The following IQSEC1 variants were observed in gnomAD, a reference collection of about 807,000 sequenced individuals.
IQSEC1 encodes IQ motif and SEC7 domain-containing protein 1.
In IQSEC1, 31 loss-of-function variants were observed where a neutral mutation model predicts 91.0. The observed-to-expected ratio is 0.34, with a 90% CI of 0.26 to 0.46. IQSEC1 has a LOEUF of 0.46. Among genes scored for constraint, IQSEC1 ranks in the 20% least tolerant of loss-of-function variants. The pLI is 1.00. For missense variants in IQSEC1, 1,388 were observed against 1,575.6 expected (o/e 0.88, Z 2.02); for synonymous variants, 699 against 662.6 (o/e 1.05, Z -0.84).
chr3:12,907,428 G>A (rs749047861), intron 12 of IQSEC1, among the ~76,000 whole-genome samples: 2 of 152,172 alleles, frequency 1.3e-5, no homozygotes, highest in Non-Finnish European at 2.9e-5. Flanking sequence ...GCAGACCTGC[G>A]TGGGACAAGC....
intron 1 of IQSEC1, among the ~76,000 whole-genome samples, chr3:13,181,834 A>G (rs975615034): frequency 5.3e-5 from 8 of 152,230 alleles, no homozygotes. Flanking sequence ...GAATATTTTA[A>G]AATTATTTTT....
At chr3:13,203,966 C>G (rs1576293882) in intron 1 of IQSEC1, among the ~76,000 whole-genome samples, 1 of 152,246 alleles carries the variant, frequency 6.6e-6, no homozygotes, top group Admixed American at 6.5e-5. Flanking sequence ...GCCCTAGGCC[C>G]CTGGCCTGTC....
intron 2 of IQSEC1, among the ~76,000 whole-genome samples, chr3:13,094,075 C>T (rs662634): frequency 0.17 from 25,963 of 152,064 alleles, 2,288 homozygotes; most frequent in Middle Eastern, 0.25. Flanking sequence ...AAGAGCAAAC[C>T]TTCCCAAGAA....
At chr3:12,937,467 T>G (rs2005474) in intron 2 of IQSEC1, among the ~76,000 whole-genome samples, 18,978 of 152,282 alleles carry the variant, frequency 0.12, 1,290 homozygotes, top group South Asian at 0.21. Context: ...TGTGGCCAGA[T>G]GGGTCACTGA....
intron 1 of IQSEC1, among the ~76,000 whole-genome samples, chr3:12,995,876 G>A (rs1214883797): frequency 6.6e-6 from 1 of 152,140 alleles, no homozygotes; most frequent in Non-Finnish European, 1.5e-5. Flanking sequence ...TATTATTGGA[G>A]GTTTAAAAAA....
At chr3:13,244,617 G>A (rs1256740293) in intron 1 of IQSEC1, among the ~76,000 whole-genome samples, 1 of 152,172 alleles carries the variant, frequency 6.6e-6, no homozygotes, top group Non-Finnish European at 1.5e-5. Context: ...TCTGACTGCA[G>A]TTGTGACCAA....
intron 5 of IQSEC1, 137 bp downstream of exon 5, chr3:12,921,983 C>A (rs943683468): frequency 1.3e-5 from 14 of 1,095,994 alleles, no homozygotes; most frequent in Admixed American, 3.0e-5. Context: ...AGTACGATCA[C>A]CCCCAAAGCA....
At chr3:13,057,327 C>A (rs1035037364) in intron 1 of IQSEC1, among the ~76,000 whole-genome samples, 6 of 152,200 alleles carry the variant, frequency 3.9e-5, no homozygotes, top group Non-Finnish European at 8.8e-5. Context: ...ACAGCGTATA[C>A]CTGCTGGGTG....
intron 1 of IQSEC1, among the ~76,000 whole-genome samples, chr3:13,253,840 T>A (rs1301260480): frequency 6.6e-6 from 1 of 152,118 alleles, no homozygotes; most frequent in Non-Finnish European, 1.5e-5. Context: ...AGTGCCTCGG[T>A]GGTTATGTCA....
chr3:12,973,210 T>A (rs1185562380), intron 1 of IQSEC1, among the ~76,000 whole-genome samples: 1 of 152,174 alleles, frequency 6.6e-6, no homozygotes, highest in Non-Finnish European at 1.5e-5. Context: ...AGCTCCTGCC[T>A]GTCTTTTCAG....
intron 2 of IQSEC1, among the ~76,000 whole-genome samples, chr3:13,141,470 A>C (rs1402491063): frequency 6.6e-6 from 1 of 152,180 alleles, no homozygotes. Flanking sequence ...GGGTTCTCCT[A>C]ATAAACCTCC....
chr3:13,158,550 A>G (rs1350342999), intron 2 of IQSEC1, among the ~76,000 whole-genome samples: 2 of 152,168 alleles, frequency 1.3e-5, no homozygotes, highest in African/African-American at 4.8e-5. Context: ...CACCATCCCC[A>G]AACAAAACAG....
Position 12,942,312 on chromosome 3 carries a change from T to TA in IQSEC1, c.24-448dup, listed in dbSNP as rs768754016. On this transcript the variant is annotated intron_variant, in intron 1 of 13. Transcript: ENST00000613206. ...TTAAATACACCACTGATTTTAAACT[T>TA]AAAAAAAAGGCCGGGCGCGGTGGCT... 1.2e-3 allele frequency among the ~76,000 whole-genome samples: 177 copies of TA among 151,738 alleles called. 5 individuals are homozygous for TA. The highest frequency in any genetic ancestry group is 7.8e-4 in the Non-Finnish European group (53 of 67,920).
chr3:12,984,351 T>C (rs1464529855), intron 1 of IQSEC1, among the ~76,000 whole-genome samples: 1 of 152,110 alleles, frequency 6.6e-6, no homozygotes, highest in African/African-American at 2.4e-5. Flanking sequence ...CCTGAGTAAA[T>C]TTGTAAAAGG....
At chr3:12,990,838 T>C (rs1701954082) in intron 1 of IQSEC1, among the ~76,000 whole-genome samples, 1 of 152,194 alleles carries the variant, frequency 6.6e-6, no homozygotes, top group African/African-American at 2.4e-5. Flanking sequence ...AATGATAGGT[T>C]TGTGGTTTTG....
Position 13,259,445 on chromosome 3 carries a change from C to G in IQSEC1, c.272+23266G>C, listed in dbSNP as rs777002928. Among the ~76,000 whole-genome samples the G allele has an allele frequency of 6.6e-6, 1 of 152,162 alleles. No homozygotes were observed. On this transcript the variant is annotated intron_variant, in intron 1 of 15. Coordinates refer to the IQSEC1 transcript ENST00000648114. The surrounding 1 kb of genome is among the most constrained non-coding windows in gnomAD (Gnocchi z 4.6). The stretch of plus-strand genomic sequence containing the variant: ...TATTCTCCCCTGCACCCCATCAAAA[C>G]AGTGGCGGGTGAGATAGCACTGTCA...
intron 2 of IQSEC1, among the ~76,000 whole-genome samples, chr3:13,097,926 G>T (rs1705992492): frequency 6.6e-6 from 1 of 152,238 alleles, no homozygotes; most frequent in Non-Finnish European, 1.5e-5. Flanking sequence ...TCCCACAGGG[G>T]TGCATGGAAG....
At chr3:13,032,791 A>T (rs1293775466) in intron 1 of IQSEC1, among the ~76,000 whole-genome samples, 1 of 152,154 alleles carries the variant, frequency 6.6e-6, no homozygotes, top group East Asian at 1.9e-4. Context: ...TCACCGTGTT[A>T]GCCAGGATGG....
chr3:13,107,155 T>TG (rs1470660001), intron 2 of IQSEC1, among the ~76,000 whole-genome samples: 1 of 152,102 alleles, frequency 6.6e-6, no homozygotes, highest in Non-Finnish European at 1.5e-5. Flanking sequence ...GACAGAAACC[T>TG]GGGGGCCTCC....
Sources: allele counts gnomAD v4.1 joint callset (sites outside exome capture counted in the v4.1 genomes callset), GRCh38; gene constraint gnomAD v4.1.1; non-coding constraint Gnocchi (gnomAD v3.1); transcripts MANE v1.5; gene names NCBI Gene and HGNC (gene_info 2026-07-23, HGNC 2026-07-21).